The following DYM variants were observed in gnomAD, a reference collection of about 807,000 sequenced individuals.
The protein encoded by DYM is dymeclin.
Under a neutral mutation model 93.1 loss-of-function variants are expected in DYM, and 78 were observed. The observed-to-expected ratio is 0.84, with a 90% CI of 0.70 to 1.01. DYM has a LOEUF of 1.01. Ranked by LOEUF, DYM falls within the 50% of genes least tolerant of loss-of-function variation. The probability of loss-of-function intolerance (pLI) is 0.00; values close to 1 mark genes in which losing one functional copy is unlikely to be tolerated. For synonymous variants in DYM, 321 were observed against 319.7 expected (o/e 1.00, Z -0.04); for missense variants, 789 against 845.0 (o/e 0.93, Z 0.82).
At chr18:49,263,400 T>C (rs182865183) in intron 11 of DYM, among the ~76,000 whole-genome samples, 2,678 of 150,002 alleles carry the variant, frequency 0.018, 82 homozygotes, top group African/African-American at 0.062. Flanking sequence ...ATTACAGGCG[T>C]GAGCCACCAC....
At chr18:49,177,569 T>C (rs1018502016) in intron 14 of DYM, among the ~76,000 whole-genome samples, 3 of 152,154 alleles carry the variant, frequency 2.0e-5, no homozygotes, top group African/African-American at 7.2e-5. Flanking sequence ...TCTTTACTGG[T>C]AAATGCCTTT....
intron 3 of DYM, among the ~76,000 whole-genome samples, chr18:49,383,036 G>A (rs2068208441): frequency 1.3e-5 from 2 of 152,002 alleles, no homozygotes; most frequent in South Asian, 4.1e-4. Context: ...CCCACGCAAG[G>A]ATACAATGAA....
At chr18:49,156,333 G>A (rs1315849767) in intron 15 of DYM, among the ~76,000 whole-genome samples, 3 of 152,020 alleles carry the variant, frequency 2.0e-5, no homozygotes, top group African/African-American at 7.2e-5. Context: ...TATCCTGTGG[G>A]AACTTGGAAT....
At chr18:49,415,927 C>CAAAAAA (rs80304487) in intron 2 of DYM, among the ~76,000 whole-genome samples, 7,667 of 83,550 alleles carry the variant, frequency 0.092, 319 homozygotes, top group East Asian at 0.31. Flanking sequence ...AACTCTGACT[C>CAAAAAA]AAAAAAAAAA....
intron 3 of DYM, 83 bp from the exon 4 acceptor site, chr18:49,379,841 A>G (rs1247137177): frequency 1.7e-6 from 2 of 1,152,574 alleles, no homozygotes; most frequent in Non-Finnish European, 2.6e-6. Context: ...ATAAAACCAA[A>G]TGTCATATTA....
chr18:49,342,466 G>T (rs563364537), intron 6 of DYM, among the ~76,000 whole-genome samples: 1 of 152,206 alleles, frequency 6.6e-6, no homozygotes, highest in East Asian at 1.9e-4. Context: ...ACATCTTTGG[G>T]GTTTGGAATG....
intron 15 of DYM, among the ~76,000 whole-genome samples, chr18:49,125,955 C>T (rs1308863012): frequency 6.6e-6 from 1 of 152,220 alleles, no homozygotes; most frequent in African/African-American, 2.4e-5. Context: ...TCAATACAAC[C>T]TGGCTTAAAG....
At chr18:49,441,105 AT>A (rs1487343923) in intron 1 of DYM, among the ~76,000 whole-genome samples, 1 of 7,876 alleles carries the variant, frequency 1.3e-4, no homozygotes, top group Non-Finnish European at 2.8e-4. Context: ...ATAAATATAT[AT>A]TAATATAAAT....
chr18:49,261,856 AGT>A (rs1281755049), intron 11 of DYM, among the ~76,000 whole-genome samples: 3 of 152,206 alleles, frequency 2.0e-5, no homozygotes, highest in African/African-American at 7.2e-5. Flanking sequence ...TCTTGAGTTT[AGT>A]GTGTATACTC....
chr18:49,377,474 T>C (rs1300919716), intron 5 of DYM, among the ~76,000 whole-genome samples: 2 of 152,066 alleles, frequency 1.3e-5, no homozygotes, highest in Non-Finnish European at 2.9e-5. Context: ...ACAGGAGAAT[T>C]GCTTGAACTC....
intron 1 of DYM, among the ~76,000 whole-genome samples, chr18:49,433,805 T>C (rs1328453389): frequency 2.6e-5 from 4 of 151,934 alleles, no homozygotes; most frequent in Admixed American, 6.6e-5. Context: ...GAAGTGGAGA[T>C]TGCAGTGAGC....
intron 2 of DYM, among the ~76,000 whole-genome samples, chr18:49,414,317 C>G (rs1158025051): frequency 6.6e-6 from 1 of 151,816 alleles, no homozygotes; most frequent in Non-Finnish European, 1.5e-5. Context: ...TTACAAGAGT[C>G]AAGAGGACCA....
intron 14 of DYM, among the ~76,000 whole-genome samples, chr18:49,175,798 A>T (rs1416441434): frequency 6.6e-6 from 1 of 152,174 alleles, no homozygotes; most frequent in East Asian, 1.9e-4. Flanking sequence ...TAAAGAAAAC[A>T]CAATAACTCA....
At chr18:49,428,307 A>AG (rs1269722581) in intron 2 of DYM, among the ~76,000 whole-genome samples, 7 of 152,068 alleles carry the variant, frequency 4.6e-5, no homozygotes, top group Non-Finnish European at 1.0e-4. Context: ...AGAAAAAAAA[A>AG]GAAAGAAGCC....
At chr18:49,368,153 ATTCTG>A (rs1372496209) in intron 5 of DYM, among the ~76,000 whole-genome samples, 1 of 152,230 alleles carries the variant, frequency 6.6e-6, no homozygotes, top group African/African-American at 2.4e-5. Flanking sequence ...ATCAGTAATA[ATTCTG>A]GTTGACTGCT....
chr18:49,459,718 T>A (rs1013658447), intron 1 of DYM, among the ~76,000 whole-genome samples: 1 of 152,124 alleles, frequency 6.6e-6, no homozygotes, highest in African/African-American at 2.4e-5. Flanking sequence ...CCCTGTTCAG[T>A]AGAGAACAGC....
intron 17 of DYM, among the ~76,000 whole-genome samples, chr18:49,071,671 T>TG (rs1309882817): frequency 6.6e-6 from 1 of 152,170 alleles, no homozygotes; most frequent in African/African-American, 2.4e-5. Context: ...ACTACTTACT[T>TG]GGGGGCCTAA....
At chr18:49,168,013 T>TA (rs143841267) in intron 14 of DYM, among the ~76,000 whole-genome samples, 5,996 of 152,102 alleles carry the variant, frequency 0.039, 386 homozygotes, top group African/African-American at 0.14. Flanking sequence ...CAATGTTGAG[T>TA]AAAAAAATAA....
intron 15 of DYM, among the ~76,000 whole-genome samples, chr18:49,127,282 T>C (rs925261940): frequency 7.2e-5 from 11 of 152,170 alleles, no homozygotes; most frequent in African/African-American, 2.7e-4. Context: ...ACATCAAATA[T>C]GTTGGGAATG....
Sources: allele counts gnomAD v4.1 joint callset (sites outside exome capture counted in the v4.1 genomes callset), GRCh38; gene constraint gnomAD v4.1.1; transcripts MANE v1.5; gene names NCBI Gene and HGNC (gene_info 2026-07-23, HGNC 2026-07-21).